PTPRD: variants seen among roughly 807,000 people sequenced by gnomAD.
PTPRD encodes protein tyrosine phosphatase receptor type D.
A neutral mutation model predicts 214.5 loss-of-function variants in PTPRD; 34 were observed. The observed-to-expected ratio is 0.16, with a 90% CI of 0.12 to 0.21. The LOEUF (loss-of-function observed/expected upper bound fraction) is 0.21. PTPRD is among the 10% of genes least tolerant of loss of function. PTPRD has a pLI of 1.00. For missense variants in PTPRD, 2,545 were observed against 2,398.7 expected (o/e 1.06, Z -1.27); for synonymous variants, 1,128 against 845.7 (o/e 1.33, Z -5.79).
intron 2 of PTPRD, among the ~76,000 whole-genome samples, chr9:10,585,183 G>A (rs559549244): frequency 2.0e-5 from 3 of 152,132 alleles, no homozygotes; most frequent in Admixed American, 1.3e-4. Flanking sequence ...GGAGAAGGAA[G>A]AGCACTAAAA....
chr9:9,910,101 G>A (rs1049739771), intron 5 of PTPRD, among the ~76,000 whole-genome samples: 5 of 151,876 alleles, frequency 3.3e-5, no homozygotes, highest in Non-Finnish European at 5.9e-5. Flanking sequence ...GGTCAAGTTT[G>A]TACCTCAGCT....
At chr9:9,374,868 A>C (rs527958000) in intron 9 of PTPRD, among the ~76,000 whole-genome samples, 26 of 152,316 alleles carry the variant, frequency 1.7e-4, no homozygotes, top group Admixed American at 1.4e-3. Context: ...TCATGAAAGA[A>C]ATTATTGTTA....
At chr9:9,028,977 T>C (rs2099596040) in intron 10 of PTPRD, among the ~76,000 whole-genome samples, 2 of 151,910 alleles carry the variant, frequency 1.3e-5, no homozygotes, top group South Asian at 4.1e-4. Flanking sequence ...TCCAATATGG[T>C]AGCCACTAGT....
intron 37 of PTPRD, among the ~76,000 whole-genome samples, chr9:8,384,746 G>T (rs542174195): frequency 6.6e-6 from 1 of 152,086 alleles, no homozygotes; most frequent in East Asian, 1.9e-4. Context: ...CGCTGGTCTC[G>T]AACTCCTGAC....
chr9:8,747,216 T>C (rs536486031), intron 11 of PTPRD, among the ~76,000 whole-genome samples: 2 of 152,282 alleles, frequency 1.3e-5, no homozygotes, highest in South Asian at 2.1e-4. Context: ...TTTAAAAAAA[T>C]TGAACAGCCA....
At chr9:8,438,643 T>C (rs1365793906) in intron 34 of PTPRD, 1 of 152,158 alleles carries the variant, frequency 6.6e-6, no homozygotes, top group Non-Finnish European at 1.5e-5. Context: ...AATGGACTGA[T>C]GTGGACATCA....
chr9:9,964,465 G>T (rs1352793725), intron 4 of PTPRD, among the ~76,000 whole-genome samples: 1 of 152,132 alleles, frequency 6.6e-6, no homozygotes, highest in Non-Finnish European at 1.5e-5. Flanking sequence ...AAAATCTAAA[G>T]AAGCTTAGCA....
In PTPRD at chr9:9,508,452, C is replaced by T. The variant is rs945907210; in HGVS notation, c.-237+66280G>A. 2.8e-4 allele frequency among the ~76,000 whole-genome samples: 42 copies of T among 151,772 alleles called. 1 individual carries two copies. Among genetic ancestry groups the T allele is most frequent in the Admixed American group, 2.5e-3 (38 of 15,192 alleles). On this transcript the variant is annotated intron_variant, in intron 8 of 45. Coordinates refer to ENST00000381196, the MANE Select transcript of PTPRD (RefSeq NM_002839.4). ...GACAATTAGATTTATGTATATTTTA[C>T]AGAAAAACAATACAACCCAACAACT...
chr9:8,579,835 A>G (rs144011358), intron 14 of PTPRD, among the ~76,000 whole-genome samples: 4 of 152,290 alleles, frequency 2.6e-5, no homozygotes, highest in African/African-American at 4.8e-5. Flanking sequence ...TGGAAACGGA[A>G]CCAAAAGTGT....
intron 43 of PTPRD, among the ~76,000 whole-genome samples, chr9:8,335,104 T>C (rs1357989751): frequency 2.0e-5 from 3 of 147,072 alleles, no homozygotes; most frequent in South Asian, 2.1e-4. Context: ...TCTGAAACTA[T>C]TCCAAACAAT....
chr9:8,726,022 G>GACACACACACACAC (rs772550242), intron 12 of PTPRD, among the ~76,000 whole-genome samples: 26 of 140,136 alleles, frequency 1.9e-4, no homozygotes, highest in African/African-American at 7.0e-4. Context: ...CAGACAGACA[G>GACACACACACACAC]ACAGACACAC....
intron 5 of PTPRD, among the ~76,000 whole-genome samples, chr9:9,870,267 A>T (rs916894348): frequency 6.6e-6 from 1 of 152,074 alleles, no homozygotes; most frequent in Non-Finnish European, 1.5e-5. Flanking sequence ...AAGAATCTTG[A>T]TATAAAAACA....
intron 36 of PTPRD, among the ~76,000 whole-genome samples, chr9:8,396,646 C>G (rs1211664007): frequency 1.3e-5 from 2 of 152,148 alleles, no homozygotes; most frequent in Non-Finnish European, 2.9e-5. Context: ...ACACAGCCAG[C>G]CAGCCCTTAA....
chr9:8,544,365 A>T (rs944103116), intron 14 of PTPRD, among the ~76,000 whole-genome samples: 1 of 151,098 alleles, frequency 6.6e-6, no homozygotes, highest in African/African-American at 2.4e-5. Context: ...TACAGGCATG[A>T]GCCAACGCAC....
intron 7 of PTPRD, among the ~76,000 whole-genome samples, chr9:9,695,379 T>C (rs1243883588): frequency 1.3e-5 from 2 of 152,134 alleles, no homozygotes; most frequent in Non-Finnish European, 2.9e-5. Context: ...ATCACTCTCA[T>C]TGCTATGAGC....
intron 3 of PTPRD, among the ~76,000 whole-genome samples, chr9:10,271,567 G>A (rs2094429077): frequency 7.6e-6 from 1 of 131,946 alleles, no homozygotes; most frequent in Non-Finnish European, 1.6e-5. Flanking sequence ...TTTTGAGACG[G>A]AATCTTGCTC....
At position 9,385,734 on chromosome 9, in the gene PTPRD, T is replaced by A. The variant is rs1343790121; in HGVS notation, c.-203+11715A>T. Reference sequence around the variant, plus strand: ...ACCATGTACTTTTCTATGTATTTAATATACATTAACTCATTTAGTCGACAT... The same window carrying A: ...ACCATGTACTTTTCTATGTATTTAAAATACATTAACTCATTTAGTCGACAT... On this transcript the variant is annotated intron_variant, in intron 9 of 45. Coordinates refer to ENST00000381196, the MANE Select transcript of PTPRD (RefSeq NM_002839.4). Among the ~76,000 whole-genome samples the A allele has an allele frequency of 1.3e-5, 2 of 152,196 alleles. 1 individual carries two copies. Among genetic ancestry groups the A allele is most frequent in the East Asian group, 3.9e-4 (2 of 5,188 alleles).
intron 11 of PTPRD, among the ~76,000 whole-genome samples, chr9:8,868,577 C>A (rs543175653): frequency 6.6e-6 from 1 of 152,110 alleles, no homozygotes; most frequent in African/African-American, 2.4e-5. Flanking sequence ...TGCTTTGTAG[C>A]TCTAGAGAGC....
intron 11 of PTPRD, among the ~76,000 whole-genome samples, chr9:8,818,687 T>A (rs1322137441): frequency 6.6e-6 from 1 of 152,246 alleles, no homozygotes; most frequent in Non-Finnish European, 1.5e-5. Context: ...ACCAAATACT[T>A]AGATGTGCTT....
Sources: gnomAD v4.1 joint callset for allele counts (sites outside exome capture counted in the v4.1 genomes callset) on GRCh38, gnomAD v4.1.1 for gene constraint, MANE v1.5 for transcripts, NCBI Gene and HGNC (gene_info 2026-07-23, HGNC 2026-07-21) for gene names.